Variants in GALNT1 observed in about 807,000 individuals in gnomAD.
The protein encoded by GALNT1 is GalNAc transferase 1.
A neutral mutation model predicts 65.7 loss-of-function variants in GALNT1; 17 were observed. The observed-to-expected ratio is 0.26, with a 90% CI of 0.18 to 0.39. The LOEUF is 0.39. Ranked by LOEUF, GALNT1 falls within the 10% of genes least tolerant of loss-of-function variation. The pLI is 1.00. For missense variants in GALNT1, 460 were observed against 672.8 expected, an observed-to-expected ratio of 0.68 and a Z score of 3.50; for synonymous variants, 210 against 219.7, an observed-to-expected ratio of 0.96 and a Z score of 0.39.
chr18:35,701,127 A>G lies in GALNT1; in HGVS notation c.1300-1770A>G, dbSNP rs75805072. On this transcript the variant is annotated intron_variant, in intron 9 of 11. Transcript: ENST00000269195. ...TGCTCTGTCACTTAAGTTGAAGTGC[A>G]GTGGCACAATTATAGCTTACTGCAG... Among the ~76,000 whole-genome samples, 1,280 of 151,882 alleles carry G rather than the reference A, an allele frequency of 8.4e-3. 21 individuals are homozygous for G. The highest frequency in any genetic ancestry group is 0.046 in the East Asian group (239 of 5,144).
At chr18:35,633,445 CA>C (rs2047045693) in intron 1 of GALNT1, among the ~76,000 whole-genome samples, 1 of 146,538 alleles carries the variant, frequency 6.8e-6, no homozygotes, top group Admixed American at 7.1e-5. Context: ...ATCACAAGGA[CA>C]AAAAACCAAA....
chr18:35,645,218 G>GTTTTTTTTTTTTTTTTTTTT (rs1166987925), intron 1 of GALNT1, among the ~76,000 whole-genome samples: 1 of 54,326 alleles, frequency 1.8e-5, no homozygotes, highest in East Asian at 5.4e-4. Context: ...TATTTTGAAT[G>GTTTTTTTTTTTTTTTTTTTT]TTTTTTTTTT....
At chr18:35,629,954 CAAAG>C (rs1212898318) in intron 1 of GALNT1, among the ~76,000 whole-genome samples, 4 of 152,158 alleles carry the variant, frequency 2.6e-5, no homozygotes, top group Non-Finnish European at 4.4e-5. Flanking sequence ...TCAAAAGAGA[CAAAG>C]AAGGCCATTA....
chr18:35,599,656 C>T (rs1029829902), intron 1 of GALNT1, among the ~76,000 whole-genome samples: 12 of 152,270 alleles, frequency 7.9e-5, no homozygotes, highest in African/African-American at 2.9e-4. Flanking sequence ...AGCCATTACG[C>T]CTAGCCAGAT....
intron 3 of GALNT1, among the ~76,000 whole-genome samples, chr18:35,669,854 A>G (rs2047606116): frequency 6.6e-6 from 1 of 152,148 alleles, no homozygotes; most frequent in South Asian, 2.1e-4. Context: ...AAGCAAAAGA[A>G]CTCACTGTTA....
intron 4 of GALNT1, among the ~76,000 whole-genome samples, chr18:35,678,676 T>A (rs1386498663): frequency 2.0e-5 from 3 of 152,192 alleles, no homozygotes; most frequent in Admixed American, 6.5e-5. Flanking sequence ...GAAAATAATT[T>A]CCTACTTCTT....
chr18:35,673,528 C>T lies in GALNT1; in HGVS notation c.315-4063C>T, dbSNP rs190404008. Among the ~76,000 whole-genome samples, 16 of 152,274 alleles carry T rather than the reference C, an allele frequency of 1.1e-4. No homozygotes were observed. In the East Asian group the frequency reaches 2.5e-3, roughly 24 times the overall value. On this transcript the variant is annotated intron_variant, in intron 3 of 11. Transcript: ENST00000269195. ...GCATACATGGGATAACATATTTAAA[C>T]CTCTTAATGCAGTTTCAGGAATTTA...
chr18:35,641,703 T>C (rs952751969), intron 1 of GALNT1, among the ~76,000 whole-genome samples: 4 of 152,218 alleles, frequency 2.6e-5, no homozygotes, highest in African/African-American at 9.6e-5. Flanking sequence ...GTCAACGATA[T>C]AACACATCCA....
intron 3 of GALNT1, among the ~76,000 whole-genome samples, chr18:35,674,999 AAAAAAAAAAAAG>A (rs2047690086): frequency 6.6e-6 from 1 of 150,948 alleles, no homozygotes; most frequent in Admixed American, 6.6e-5. Context: ...AAAAAAAAAA[AAAAAAAAAAAAG>A]CTCGTTTTCA....
At chr18:35,647,484 A>G (rs776744095) in intron 1 of GALNT1, among the ~76,000 whole-genome samples, 13 of 152,214 alleles carry the variant, frequency 8.5e-5, no homozygotes, top group Non-Finnish European at 1.5e-4. Flanking sequence ...AATAGAGCAA[A>G]TAGAATATAA....
intron 11 of GALNT1, among the ~76,000 whole-genome samples, chr18:35,708,684 AT>A (rs1171838742): frequency 6.6e-6 from 1 of 152,206 alleles, no homozygotes; most frequent in African/African-American, 2.4e-5. Context: ...TATCACAATC[AT>A]TGGTGTGGAT....
intron 1 of GALNT1, among the ~76,000 whole-genome samples, chr18:35,629,258 A>G (rs1223058175): frequency 1.3e-5 from 2 of 152,198 alleles, no homozygotes; most frequent in African/African-American, 2.4e-5. Flanking sequence ...TCCAAGACAC[A>G]TAATTGTCAG....
intron 1 of GALNT1, among the ~76,000 whole-genome samples, chr18:35,624,860 TTTTA>T (rs1482618229): frequency 2.6e-5 from 4 of 152,212 alleles, no homozygotes; most frequent in Non-Finnish European, 4.4e-5. Context: ...TTTCTGGCAT[TTTTA>T]TTTATTTACT....
chr18:35,582,405 T>TCATC (rs1218887634), intron 1 of GALNT1, among the ~76,000 whole-genome samples: 1 of 152,256 alleles, frequency 6.6e-6, no homozygotes, highest in Non-Finnish European at 1.5e-5. Flanking sequence ...TGTCATTTAC[T>TCATC]CATCCATAAT....
chr18:35,697,285 T>C (rs956488004), intron 9 of GALNT1, among the ~76,000 whole-genome samples: 1 of 152,184 alleles, frequency 6.6e-6, no homozygotes, highest in Non-Finnish European at 1.5e-5. Context: ...CTTATAGCAG[T>C]GTTTTTAATT....
At chr18:35,672,587 A>C (rs759251757) in intron 3 of GALNT1, among the ~76,000 whole-genome samples, 9 of 152,108 alleles carry the variant, frequency 5.9e-5, no homozygotes, top group Non-Finnish European at 1.0e-4. Flanking sequence ...CCTGTCTGCC[A>C]ATAACTTCTA....
At chr18:35,659,280 CATT>C (rs747528155) in intron 2 of GALNT1, among the ~76,000 whole-genome samples, 6 of 152,096 alleles carry the variant, frequency 3.9e-5, no homozygotes, top group African/African-American at 7.2e-5. Context: ...CTTCCTGTAA[CATT>C]GTTGTTGATA....
chr18:35,648,970 A>G (rs1481123763), intron 1 of GALNT1, among the ~76,000 whole-genome samples: 1 of 152,128 alleles, frequency 6.6e-6, no homozygotes, highest in Non-Finnish European at 1.5e-5. Context: ...ATATAGTGCA[A>G]TTTGTTTATC....
intron 2 of GALNT1, 119 bp downstream of exon 2, chr18:35,654,920 G>C: frequency 1.5e-6 from 1 of 680,324 alleles, no homozygotes; most frequent in African/African-American, 1.9e-5. Flanking sequence ...GACTTCCTGT[G>C]GGAGATATGA....
Sources: allele counts gnomAD v4.1 joint callset (sites outside exome capture counted in the v4.1 genomes callset), GRCh38; gene constraint gnomAD v4.1.1; transcripts MANE v1.5; gene names NCBI Gene and HGNC (gene_info 2026-07-23, HGNC 2026-07-21).